The following PCDHGA7 variants were observed in gnomAD, a reference collection of about 807,000 sequenced individuals.
The protein encoded by PCDHGA7 is protocadherin gamma subfamily A, 7.
In PCDHGA7, 44 loss-of-function variants were observed where a neutral mutation model predicts 58.3. The ratio of observed to expected loss-of-function variants is 0.75; its 90% confidence interval spans 0.59 to 0.97. The LOEUF (loss-of-function observed/expected upper bound fraction) is 0.97, where lower values mean the gene tolerates loss of function less well. Among genes scored for constraint, PCDHGA7 ranks in the 50% least tolerant of loss-of-function variants. The probability of loss-of-function intolerance (pLI) is 0.00; values close to 1 mark genes in which losing one functional copy is unlikely to be tolerated. For missense variants in PCDHGA7, 1,266 were observed against 1,188.7 expected (o/e 1.06, Z -0.96); for synonymous variants, 516 against 504.2 (o/e 1.02, Z -0.31).
chr5:141,485,380 G>A lies in PCDHGA7; in HGVS notation c.2425-9427G>A. The A allele has an allele frequency of 1.9e-6, 3 of 1,614,146 alleles. No individual in the cohort carries two copies. The highest frequency in any genetic ancestry group is 2.5e-6 in the Non-Finnish European group (3 of 1,180,032). On this transcript the variant is annotated intron_variant, in intron 1 of 3. Coordinates refer to ENST00000518325, the MANE Select transcript of PCDHGA7 (RefSeq NM_018920.4). This position sits in a 1 kb window ranked among gnomAD's most constrained non-coding sequence, Gnocchi z 5.7. ...CTCGCAGGCTGCAGGTCGCTGGAGA[G>A]GTGAACCAAAGACACTTCCGTGTGG... is the stretch of plus-strand genomic sequence containing the variant.
intron 1 of PCDHGA7, chr5:141,399,475 C>G: frequency 1.2e-6 from 2 of 1,614,022 alleles, no homozygotes; most frequent in Non-Finnish European, 1.7e-6. Context: ...GGTTTTCCAC[C>G]AGGCGTCCTA....
chr5:141,495,873 C>G (rs2099764359), intron 2 of PCDHGA7, among the ~76,000 whole-genome samples: 1 of 152,146 alleles, frequency 6.6e-6, no homozygotes, highest in Admixed American at 6.6e-5. Flanking sequence ...CTGCTTTCCT[C>G]TCTGTTCTTT....
In PCDHGA7 at chr5:141,511,618, T is replaced by C. The variant is rs1227028784; in HGVS notation, c.*445T>C. 4.3e-6 allele frequency: 1 copy of C among 232,232 alleles called. No homozygotes were observed. Among genetic ancestry groups the C allele is most frequent in the East Asian group, 9.9e-5 (1 of 10,122 alleles). 14.4% of individuals were successfully genotyped at this position (232,232 alleles called of 1,614,324 possible). A position where few individuals can be genotyped will look rare whatever the true frequency, so the allele number is the denominator to read the frequency against. ...AAGTAACCTACAAGCCTCCTAGTTCTGAAAAGTTGGAAGGGCATCATGACC... is the reference window on the plus strand; with the variant it reads ...AAGTAACCTACAAGCCTCCTAGTTCCGAAAAGTTGGAAGGGCATCATGACC... On this transcript the variant is annotated 3_prime_UTR_variant, in exon 4 of 4. Transcript: ENST00000518325.
At chr5:141,411,951 G>A (rs1589812278) in intron 1 of PCDHGA7, 1 of 152,252 alleles carries the variant, frequency 6.6e-6, no homozygotes, top group African/African-American at 2.4e-5. Context: ...GATTTTTGAA[G>A]AAAAAAGATA....
rs530054362 is a variant in PCDHGA7 at position 141,486,066 on chromosome 5, C to G, written c.2425-8741C>G. ...AGAAACCTCTTTAGCCTGCACCCCACTACTGGAAAGCTTACTCTTTTGGGG... is the reference window on the plus strand; with the variant it reads ...AGAAACCTCTTTAGCCTGCACCCCAGTACTGGAAAGCTTACTCTTTTGGGG... On this transcript the variant is annotated intron_variant, in intron 1 of 3. Coordinates refer to ENST00000518325, the MANE Select transcript of PCDHGA7 (RefSeq NM_018920.4). This position sits in a 1 kb window ranked among gnomAD's most constrained non-coding sequence, Gnocchi z 5.0. The G allele has an allele frequency of 3.1e-6, 5 of 1,614,166 alleles. No homozygotes were observed. In the African/African-American group the frequency reaches 5.3e-5, roughly 17 times the overall value.
rs146372628 is a variant in PCDHGA7, at chr5:141,476,246, G to A, written c.2425-18561G>A. On this transcript the variant is annotated intron_variant, in intron 1 of 3. Coordinates refer to ENST00000518325, the MANE Select transcript of PCDHGA7 (RefSeq NM_018920.4). The surrounding 1 kb of genome is among the most constrained non-coding windows in gnomAD (Gnocchi z 7.6). ...TGAGATCCCGGAGGAAAGAGAGAAG[G>A]GTTTCGCTGTGGGCAACGTGGTCGC... 1.0e-3 allele frequency: 1,689 copies of A among 1,613,996 alleles called. 1 individual carries two copies. Among genetic ancestry groups the A allele is most frequent in the Non-Finnish European group, 1.3e-3 (1,557 of 1,180,008 alleles).
chr5:141,402,319 C>G lies in PCDHGA7; in HGVS notation c.2424+16996C>G, dbSNP rs181180510. On this transcript the variant is annotated intron_variant, in intron 1 of 3. Transcript: ENST00000518325. ...TGTATTAATACAATTATATATTTTA[C>G]ATTTACAAATATATAGGTATAAAAA... Among the ~76,000 whole-genome samples, 14 of 151,934 alleles carry G rather than the reference C, an allele frequency of 9.2e-5. No individual in the cohort carries two copies. In the East Asian group the frequency reaches 2.7e-3, roughly 29 times the overall value.
At chr5:141,478,163 C>T (rs779617960) in intron 1 of PCDHGA7, 1 of 1,614,028 alleles carries the variant, frequency 6.2e-7, no homozygotes, top group Non-Finnish European at 8.5e-7. Context: ...TGGCTCTGCC[C>T]CCCGGGAGCA....
chr5:141,486,425 A>C lies in PCDHGA7; in HGVS notation c.2425-8382A>C. The C allele has an allele frequency of 6.2e-7, 1 of 1,614,228 alleles. No homozygotes were observed. On this transcript the variant is annotated intron_variant, in intron 1 of 3. Transcript: ENST00000518325. This position sits in a 1 kb window ranked among gnomAD's most constrained non-coding sequence, Gnocchi z 5.0. Reference sequence around the variant, plus strand: ...TGCTGGACCCTTGGATCGAGAGGCCAAATCTAGCTATGACATCATGGTCAC... The same window carrying C: ...TGCTGGACCCTTGGATCGAGAGGCCCAATCTAGCTATGACATCATGGTCAC...
intron 1 of PCDHGA7, chr5:141,404,892 A>G (rs2094580163): frequency 1.2e-6 from 2 of 1,613,880 alleles, no homozygotes; most frequent in African/African-American, 1.3e-5. Flanking sequence ...GTGGCTGTAC[A>G]GGACCATGGC....
intron 1 of PCDHGA7, chr5:141,471,339 C>G (rs537413312): frequency 2.6e-5 from 4 of 152,366 alleles, no homozygotes; most frequent in Admixed American, 2.6e-4. Context: ...GTATGATCCA[C>G]TGCGCCCGGC....
intron 1 of PCDHGA7, chr5:141,404,354 G>A (rs749866543): frequency 6.2e-7 from 1 of 1,613,916 alleles, no homozygotes; most frequent in Non-Finnish European, 8.5e-7. Flanking sequence ...CAACGCCAGA[G>A]GTACTTCCAT....
intron 1 of PCDHGA7, among the ~76,000 whole-genome samples, chr5:141,406,591 A>T (rs559975786): frequency 6.6e-6 from 1 of 152,164 alleles, no homozygotes; most frequent in African/African-American, 2.4e-5. Flanking sequence ...TTTCCCTTTA[A>T]TGGTGAAAGT....
rs143362044 is a variant in PCDHGA7, at chr5:141,511,092, C to T, written c.2718C>T (p.Asn906=). The T allele has an allele frequency of 4.5e-5, 73 of 1,614,088 alleles. No homozygotes were observed. Among genetic ancestry groups the T allele is most frequent in the Admixed American group, 1.5e-4 (9 of 60,012 alleles). ...YIPGSNATLT[N]AAGKRDGKAP... is the part of the protein sequence containing the mutation. ...CAGGCAGCAATGCCACACTGACCAA[C>T]GCAGCTGGCAAGCGGGATGGCAAGG... The change falls in exon 4 of 4, where the codon AAC becomes AAT. Residue 906 remains asparagine, a synonymous_variant. Coordinates refer to ENST00000518325, the MANE Select transcript of PCDHGA7 (RefSeq NM_018920.4).
intron 1 of PCDHGA7, chr5:141,395,362 T>A: frequency 1.5e-6 from 2 of 1,294,628 alleles, no homozygotes; most frequent in Non-Finnish European, 1.0e-6. Context: ...AGTTTTGGGT[T>A]TATTTTGGTG....
rs763743728 is a variant in PCDHGA7, at chr5:141,398,890, G to C, written c.2424+13567G>C. On this transcript the variant is annotated intron_variant, in intron 1 of 3. Coordinates refer to ENST00000518325, the MANE Select transcript of PCDHGA7 (RefSeq NM_018920.4). ...GTACAGAGTCAGCCTTCGGGAAAAC[G>C]TGCCACCAGGCACCACTGTGTTGCA... is the stretch of plus-strand genomic sequence containing the variant. 2.5e-6 allele frequency: 4 copies of C among 1,613,920 alleles called. No homozygotes were observed. The South Asian group carries it at 3.3e-5, about 13-fold the overall frequency.
chr5:141,453,323 G>A (rs1313870724), intron 1 of PCDHGA7, among the ~76,000 whole-genome samples: 1 of 151,482 alleles, frequency 6.6e-6, no homozygotes, highest in Non-Finnish European at 1.5e-5. Context: ...TTTAGAGATG[G>A]GGTCTCACTA....
At chr5:141,447,084 T>A (rs2098525776) in intron 1 of PCDHGA7, among the ~76,000 whole-genome samples, 1 of 152,186 alleles carries the variant, frequency 6.6e-6, no homozygotes, top group Non-Finnish European at 1.5e-5. Flanking sequence ...TTTTGTTGTT[T>A]AATTTTCTTT....
At chr5:141,468,755 A>G (rs918829539) in intron 1 of PCDHGA7, among the ~76,000 whole-genome samples, 3 of 151,976 alleles carry the variant, frequency 2.0e-5, no homozygotes, top group African/African-American at 7.2e-5. Flanking sequence ...AGTCCCAGCT[A>G]CTCGGGAGGC....
Sources: gnomAD v4.1 joint callset for allele counts (sites outside exome capture counted in the v4.1 genomes callset) on GRCh38, gnomAD v4.1.1 for gene constraint, Gnocchi (gnomAD v3.1) non-coding constraint, MANE v1.5 for transcripts, NCBI Gene and HGNC (gene_info 2026-07-23, HGNC 2026-07-21) for gene names.